The following CSMD3 variants were observed in gnomAD, a reference collection of about 807,000 sequenced individuals.
The protein encoded by CSMD3 is CUB and Sushi multiple domains 3.
CSMD3 carries 177 observed loss-of-function variants against 435.2 expected under a neutral mutation model. The observed-to-expected ratio is 0.41, with a 90% CI of 0.36 to 0.46. The LOEUF (loss-of-function observed/expected upper bound fraction) is 0.46, where lower values mean the gene tolerates loss of function less well. CSMD3 is among the 20% of genes least tolerant of loss of function. The pLI is 0.34. For missense variants in CSMD3, 4,265 were observed against 4,504.6 expected (o/e 0.95, Z 1.52); for synonymous variants, 1,656 against 1,520.5 (o/e 1.09, Z -2.07).
Position 112,301,885 on chromosome 8 carries a change from A to G in CSMD3, c.8348T>C (p.Phe2783Ser). ...TQTSYGSTAI[F>S]TCDLGFMLVG... ...AAGCATGAATCCCAAGTCGCAGGTA[A>G]AGATAGCTGTTGAGCCATATGAAGT... The change falls in exon 53 of 71, where the codon TTT (phenylalanine) becomes TCT (serine). Residue 2783 changes from phenylalanine to serine, a missense_variant. Phe to Ser is a radical substitution (Grantham distance 155). Around this residue, in one of 3 missense-constraint regions of CSMD3, gnomAD observed 3,255 missense variants for 3,380.2 expected, o/e 0.96. Coordinates refer to ENST00000297405, the MANE Select transcript of CSMD3 (RefSeq NM_198123.2). The G allele has an allele frequency of 6.2e-7, 1 of 1,613,594 alleles. No homozygotes were observed. Among genetic ancestry groups the G allele is most frequent in the Non-Finnish European group, 8.5e-7 (1 of 1,179,556 alleles).
rs1819767097 is a variant in CSMD3, at chr8:112,291,564, C to A, written c.8920G>T (p.Val2974Phe). Reference sequence around the variant, plus strand: ...TGTCCATTTGGTTGACATATCAAAACTGAAGATCCAAATAAAAAATATCCA... The same window carrying A: ...TGTCCATTTGGTTGACATATCAAAAATGAAGATCCAAATAAAAAATATCCA... ...NPGYFLFGSS[V>F]LICQPNGQWD... Residue 2974 changes from valine (V) to phenylalanine (F), a missense_variant, in exon 56 of 71, where the codon GTT (valine) becomes TTT (phenylalanine). By Grantham distance (50) the Val-to-Phe change is conservative. Transcript: ENST00000297405. 1 of 1,611,736 alleles carries A rather than the reference C, an allele frequency of 6.2e-7. No individual in the cohort carries two copies. Among genetic ancestry groups the A allele is most frequent in the Non-Finnish European group, 8.5e-7 (1 of 1,178,390 alleles).
intron 1 of CSMD3, among the ~76,000 whole-genome samples, chr8:113,332,621 A>G (rs1214593939): frequency 1.3e-5 from 2 of 151,894 alleles, no homozygotes; most frequent in Non-Finnish European, 3.0e-5. Context: ...GAAAGACATG[A>G]AAGAATATGT....
intron 10 of CSMD3, among the ~76,000 whole-genome samples, chr8:112,865,975 C>T (rs1427015899): frequency 6.6e-6 from 1 of 152,044 alleles, no homozygotes; most frequent in Non-Finnish European, 1.5e-5. Flanking sequence ...AAGCTTCTAC[C>T]TTTTGGTGAA....
In CSMD3 at chr8:113,275,124, T is replaced by C. The variant is rs1388794221; in HGVS notation, c.514+3468A>G. ...TAATTCATATGTATAGACTGTTTATTATGTTAGATCCTATTCTAGGCACTC... is the reference window on the plus strand; with the variant it reads ...TAATTCATATGTATAGACTGTTTATCATGTTAGATCCTATTCTAGGCACTC... On this transcript the variant is annotated intron_variant, in intron 3 of 70. Transcript: ENST00000297405. 5.3e-5 allele frequency among the ~76,000 whole-genome samples: 8 copies of C among 152,228 alleles called. No homozygotes were observed. In the East Asian group the frequency reaches 1.5e-3, roughly 29 times the overall value.
At chr8:112,484,883 GA>G in intron 31 of CSMD3, among the ~76,000 whole-genome samples, 1 of 152,018 alleles carries the variant, frequency 6.6e-6, no homozygotes, top group African/African-American at 2.4e-5. Flanking sequence ...TCCAATATCC[GA>G]AAAAAATCTG....
chr8:113,093,857 T>C (rs2090082092), intron 5 of CSMD3, among the ~76,000 whole-genome samples: 2 of 152,174 alleles, frequency 1.3e-5, no homozygotes, highest in Admixed American at 6.5e-5. Flanking sequence ...TAACATTACA[T>C]AGATTTTCTA....
intron 13 of CSMD3, among the ~76,000 whole-genome samples, chr8:112,696,020 A>G (rs976787416): frequency 2.0e-5 from 3 of 152,170 alleles, no homozygotes; most frequent in Non-Finnish European, 4.4e-5. Flanking sequence ...CCAACCTACA[A>G]GGGATGTGAA....
intron 11 of CSMD3, among the ~76,000 whole-genome samples, chr8:112,848,403 C>T (rs913408686): frequency 2.6e-5 from 4 of 151,936 alleles, no homozygotes; most frequent in African/African-American, 9.7e-5. Flanking sequence ...ATATATATTG[C>T]TTATTCATAT....
intron 27 of CSMD3, among the ~76,000 whole-genome samples, chr8:112,518,607 GGTGTGT>G (rs35981644): frequency 6.9e-5 from 10 of 144,902 alleles, no homozygotes; most frequent in African/African-American, 2.1e-4. Flanking sequence ...TATAAAAAAT[GGTGTGT>G]GTGTGTGTGT....
chr8:113,249,885 C>CTGATG (rs2093318590), intron 3 of CSMD3, among the ~76,000 whole-genome samples: 1 of 151,072 alleles, frequency 6.6e-6, no homozygotes, highest in South Asian at 2.1e-4. Flanking sequence ...GAAAGATGGA[C>CTGATG]TGATGACCAA....
chr8:113,188,182 C>G (rs377158133), intron 3 of CSMD3, among the ~76,000 whole-genome samples: 1 of 151,846 alleles, frequency 6.6e-6, no homozygotes, highest in Admixed American at 6.6e-5. Flanking sequence ...TATTATTTTG[C>G]CTTTTATTGT....
At chr8:112,467,479 C>G (rs868290594) in intron 32 of CSMD3, among the ~76,000 whole-genome samples, 1 of 151,954 alleles carries the variant, frequency 6.6e-6, no homozygotes, top group Admixed American at 6.6e-5. Flanking sequence ...ACAGCTGATG[C>G]GTGCTTTATA....
At chr8:112,605,419 A>G (rs1457602395) in intron 22 of CSMD3, among the ~76,000 whole-genome samples, 1 of 152,212 alleles carries the variant, frequency 6.6e-6, no homozygotes, top group African/African-American at 2.4e-5. Flanking sequence ...AATGTGATAC[A>G]TATACACTAT....
At chr8:113,378,816 G>C (rs1189481211) in intron 1 of CSMD3, among the ~76,000 whole-genome samples, 4 of 149,770 alleles carry the variant, frequency 2.7e-5, no homozygotes, top group African/African-American at 1.0e-4. Context: ...CTAGTGGATA[G>C]AGGCTAGAAA....
chr8:112,976,364 C>T (rs546830233), intron 6 of CSMD3, among the ~76,000 whole-genome samples: 8 of 152,020 alleles, frequency 5.3e-5, no homozygotes, highest in African/African-American at 1.7e-4. Context: ...ACAAAATATA[C>T]CACATTTTAA....
chr8:112,365,199 C>T (rs929789513), intron 38 of CSMD3, among the ~76,000 whole-genome samples: 7 of 152,014 alleles, frequency 4.6e-5, no homozygotes, highest in African/African-American at 1.7e-4. Flanking sequence ...AATAGATTTT[C>T]TTGAATTCTG....
At chr8:113,294,081 A>G (rs897031969) in intron 2 of CSMD3, among the ~76,000 whole-genome samples, 4 of 152,060 alleles carry the variant, frequency 2.6e-5, no homozygotes, top group African/African-American at 9.7e-5. Flanking sequence ...GAGCCATTAG[A>G]TATGTCTTCT....
intron 1 of CSMD3, among the ~76,000 whole-genome samples, chr8:113,346,839 T>G (rs1347545657): frequency 6.6e-6 from 1 of 152,150 alleles, no homozygotes; most frequent in Admixed American, 6.6e-5. Flanking sequence ...TTCTTTCCTC[T>G]TTTCTTTATA....
intron 22 of CSMD3, among the ~76,000 whole-genome samples, chr8:112,605,380 T>C (rs553912593): frequency 5.3e-5 from 8 of 152,162 alleles, no homozygotes; most frequent in African/African-American, 1.9e-4. Context: ...TCAACCTAGA[T>C]GCCCATCAAT....
Sources: allele counts gnomAD v4.1 joint callset (sites outside exome capture counted in the v4.1 genomes callset), GRCh38; gene constraint gnomAD v4.1.1; regional missense constraint gnomAD v4.1.1; transcripts MANE v1.5; gene names NCBI Gene and HGNC (gene_info 2026-07-23, HGNC 2026-07-21).